The following MEGF10 variants were observed in gnomAD, a reference collection of about 807,000 sequenced individuals.
MEGF10 encodes the protein multiple EGF like domains 10.
Under a neutral mutation model 147.5 loss-of-function variants are expected in MEGF10, and 86 were observed. That is an observed-to-expected ratio of 0.58 (90% CI 0.49 to 0.70). The LOEUF (loss-of-function observed/expected upper bound fraction) is 0.70. MEGF10 is among the 30% of genes least tolerant of loss of function. The pLI is 0.00. For missense variants in MEGF10, 1,329 were observed against 1,487.3 expected (o/e 0.89, Z 1.75); for synonymous variants, 478 against 525.5 (o/e 0.91, Z 1.24).
chr5:127,233,429 C>T, the MEGF10 span, among the ~76,000 whole-genome samples: 1 of 152,148 alleles, frequency 6.6e-6, no homozygotes, highest in Non-Finnish European at 1.5e-5. Flanking sequence ...AGGACACAAG[C>T]AGGTGTAGTA....
chr5:127,271,754 C>A, the MEGF10 span, among the ~76,000 whole-genome samples: 1 of 152,124 alleles, frequency 6.6e-6, no homozygotes, highest in East Asian at 1.9e-4. Context: ...GTGTTTGCTT[C>A]CACTTCTGCC....
chr5:127,317,723 G>A (rs1054034503), intron 1 of MEGF10, among the ~76,000 whole-genome samples: 2 of 152,088 alleles, frequency 1.3e-5, no homozygotes, highest in African/African-American at 4.8e-5. Context: ...ACACAGGGTG[G>A]GGAGCATCAC....
intron 1 of MEGF10, among the ~76,000 whole-genome samples, chr5:127,292,855 G>C (rs1206454588): frequency 6.6e-6 from 1 of 151,510 alleles, no homozygotes; most frequent in African/African-American, 2.4e-5. Context: ...ACTGTTTTAG[G>C]TTTTATATTT....
intron 13 of MEGF10, among the ~76,000 whole-genome samples, chr5:127,428,886 T>A (rs1219798166): frequency 1.3e-5 from 2 of 152,364 alleles, no homozygotes; most frequent in Middle Eastern, 3.4e-3. Flanking sequence ...TTGAGGCCGC[T>A]GGCATAATGC....
chr5:127,406,351 A>G (rs549533633), intron 8 of MEGF10, among the ~76,000 whole-genome samples: 18 of 152,316 alleles, frequency 1.2e-4, no homozygotes, highest in Non-Finnish European at 1.5e-4. Flanking sequence ...TCTTGTAACT[A>G]TTGTTTTTCT....
At chr5:127,308,752 T>C (rs574649900) in intron 1 of MEGF10, among the ~76,000 whole-genome samples, 7 of 151,894 alleles carry the variant, frequency 4.6e-5, no homozygotes, top group Admixed American at 6.6e-5. Flanking sequence ...TTAGGAGATA[T>C]ACCTAATGTT....
intron 6 of MEGF10, 70 bp from the exon 7 acceptor site, chr5:127,398,606 G>A (rs926417641): frequency 6.3e-7 from 1 of 1,588,078 alleles, no homozygotes; most frequent in African/African-American, 1.3e-5. Context: ...TGGGGACCCT[G>A]GGTACAGTGA....
chr5:127,357,894 G>A (rs1018334466), intron 4 of MEGF10, among the ~76,000 whole-genome samples: 4 of 152,166 alleles, frequency 2.6e-5, no homozygotes, highest in Non-Finnish European at 5.9e-5. Flanking sequence ...CTGAAGGAAA[G>A]CATCCCACTT....
chr5:127,244,195 CAAAAAAAAA>C, the MEGF10 span, among the ~76,000 whole-genome samples: 47 of 70,580 alleles, frequency 6.7e-4, no homozygotes, highest in African/African-American at 2.2e-3. Flanking sequence ...AAACTCTGTC[CAAAAAAAAA>C]AAAAAAAAAA....
rs565346174 is a variant in MEGF10 at position 127,385,902 on chromosome 5, C to T, written c.413-10630C>T. 3.3e-5 allele frequency among the ~76,000 whole-genome samples: 5 copies of T among 152,284 alleles called. No homozygotes were observed. The South Asian group carries it at 1.0e-3, about 32-fold the overall frequency. On this transcript the variant is annotated intron_variant, in intron 5 of 24. Transcript: ENST00000503335. ...GGAGCACTGCTTGAGGCCAGGAGTT[C>T]AAGACCAGCCTGGGCATCGTAGTGA... is the stretch of plus-strand genomic sequence containing the variant.
At chr5:127,394,068 C>T (rs1763812572) in intron 5 of MEGF10, among the ~76,000 whole-genome samples, 1 of 152,078 alleles carries the variant, frequency 6.6e-6, no homozygotes, top group African/African-American at 2.4e-5. Flanking sequence ...TAATAACCCA[C>T]CGTGATTTTT....
the MEGF10 span, among the ~76,000 whole-genome samples, chr5:127,239,376 G>GACACACACACAC: frequency 8.9e-5 from 11 of 123,472 alleles, no homozygotes; most frequent in African/African-American, 3.3e-4. Flanking sequence ...GATGATGGAA[G>GACACACACACAC]ACACACACAC....
chr5:127,264,930 T>G, the MEGF10 span, among the ~76,000 whole-genome samples: 1 of 151,678 alleles, frequency 6.6e-6, no homozygotes, highest in Non-Finnish European at 1.5e-5. Context: ...TTTTTTTTTT[T>G]ATTATACTTT....
At chr5:127,250,925 C>T in the MEGF10 span, among the ~76,000 whole-genome samples, 1 of 151,678 alleles carries the variant, frequency 6.6e-6, no homozygotes, top group East Asian at 1.9e-4. Flanking sequence ...ATAAAAAACC[C>T]TAACAGTTGT....
chr5:127,382,955 T>C (rs1763310536), intron 5 of MEGF10, among the ~76,000 whole-genome samples: 1 of 152,202 alleles, frequency 6.6e-6, no homozygotes, highest in African/African-American at 2.4e-5. Flanking sequence ...AAGTTAAGTG[T>C]TGCCAAGGAT....
chr5:127,409,296 C>A (rs17673474), intron 8 of MEGF10, among the ~76,000 whole-genome samples: 15,722 of 152,252 alleles, frequency 0.1, 934 homozygotes, highest in Non-Finnish European at 0.13. Context: ...GGCTGACCTA[C>A]ATTTCTGACT....
chr5:127,399,533 C>T (rs1480432385), intron 7 of MEGF10, among the ~76,000 whole-genome samples: 2 of 152,188 alleles, frequency 1.3e-5, no homozygotes, highest in East Asian at 3.9e-4. Context: ...CCTTCATTAA[C>T]AAACTATTTA....
intron 12 of MEGF10, among the ~76,000 whole-genome samples, chr5:127,421,401 C>T (rs1764997229): frequency 6.6e-6 from 1 of 152,204 alleles, no homozygotes; most frequent in African/African-American, 2.4e-5. Context: ...CCTGTCTATG[C>T]TGGTTCCCAT....
chr5:127,433,807 GA>G (rs1319623218), intron 14 of MEGF10, among the ~76,000 whole-genome samples: 1 of 152,208 alleles, frequency 6.6e-6, no homozygotes. Flanking sequence ...GAAAGCTTTG[GA>G]ATGGTGTTCT....
Sources: allele counts gnomAD v4.1 joint callset (sites outside exome capture counted in the v4.1 genomes callset), GRCh38; gene constraint gnomAD v4.1.1; transcripts MANE v1.5; gene names NCBI Gene and HGNC (gene_info 2026-07-23, HGNC 2026-07-21).